ADIPOR2: variants seen among roughly 807,000 people sequenced by gnomAD.
ADIPOR2 encodes the protein adiponectin receptor protein 2.
In ADIPOR2, 18 loss-of-function variants were observed where a neutral mutation model predicts 40.9. That is an observed-to-expected ratio of 0.44 (90% confidence interval 0.30 to 0.65). The LOEUF (loss-of-function observed/expected upper bound fraction) is 0.65, where lower values mean the gene tolerates loss of function less well. ADIPOR2 is among the 30% of genes least tolerant of loss of function. ADIPOR2 has a pLI of 0.09. For missense variants in ADIPOR2, 283 were observed against 479.2 expected (o/e 0.59, Z 3.82); for synonymous variants, 165 against 166.4 (o/e 0.99, Z 0.06).
chr12:1,705,191 T>A (rs2094659555), intron 1 of ADIPOR2, among the ~76,000 whole-genome samples: 1 of 152,194 alleles, frequency 6.6e-6, no homozygotes, highest in African/African-American at 2.4e-5. Flanking sequence ...CTGAACAGAT[T>A]TTATTTTTGA....
At chr12:1,716,217 G>C (rs1427783000) in intron 1 of ADIPOR2, among the ~76,000 whole-genome samples, 1 of 152,226 alleles carries the variant, frequency 6.6e-6, no homozygotes, top group Non-Finnish European at 1.5e-5. Context: ...ATTGCTGAAT[G>C]TGGTGGTCTC....
intron 1 of ADIPOR2, among the ~76,000 whole-genome samples, chr12:1,700,710 G>A (rs960085676): frequency 6.6e-6 from 1 of 151,198 alleles, no homozygotes. Flanking sequence ...TTTCAGGGGT[G>A]AAATCCTCTC....
At chr12:1,698,140 G>A (rs889185813) in intron 1 of ADIPOR2, 7 of 152,334 alleles carry the variant, frequency 4.6e-5, no homozygotes, top group African/African-American at 1.7e-4. Flanking sequence ...GAGCTGTGGC[G>A]TTGTACTTCT....
chr12:1,784,290 C>T (rs1029550952), intron 7 of ADIPOR2, among the ~76,000 whole-genome samples: 8 of 152,310 alleles, frequency 5.3e-5, no homozygotes, highest in East Asian at 3.9e-4. Context: ...GTGCTTTGCA[C>T]GGATTACCTC....
chr12:1,759,621 T>TTA (rs1319350470), intron 2 of ADIPOR2, among the ~76,000 whole-genome samples: 1 of 152,202 alleles, frequency 6.6e-6, no homozygotes, highest in African/African-American at 2.4e-5. Context: ...ATATTGCCCT[T>TTA]TATAGAAAAC....
chr12:1,748,871 C>T (rs1257041711), intron 1 of ADIPOR2, among the ~76,000 whole-genome samples: 1 of 151,854 alleles, frequency 6.6e-6, no homozygotes, highest in Non-Finnish European at 1.5e-5. Context: ...GCCTGAGTGT[C>T]CTCTAATTCA....
At chr12:1,781,976 T>A (rs532293126) in intron 6 of ADIPOR2, among the ~76,000 whole-genome samples, 2 of 152,322 alleles carry the variant, frequency 1.3e-5, no homozygotes, top group East Asian at 3.9e-4. Flanking sequence ...CTTGAGCACA[T>A]GAGATAAGAA....
chr12:1,756,471 T>A (rs1053458008), intron 2 of ADIPOR2, among the ~76,000 whole-genome samples: 5 of 149,836 alleles, frequency 3.3e-5, no homozygotes, highest in African/African-American at 7.4e-5. Context: ...TTTTTTTTTT[T>A]AAAGGACCAA....
chr12:1,764,488 CATT>C (rs1862332177), intron 2 of ADIPOR2, among the ~76,000 whole-genome samples: 2 of 151,670 alleles, frequency 1.3e-5, no homozygotes, highest in African/African-American at 4.8e-5. Flanking sequence ...TCTTCTGTAT[CATT>C]ATTTTTCAAA....
At chr12:1,733,010 A>C (rs1026754431) in intron 1 of ADIPOR2, among the ~76,000 whole-genome samples, 1 of 152,214 alleles carries the variant, frequency 6.6e-6, no homozygotes, top group Non-Finnish European at 1.5e-5. Flanking sequence ...CTTGATATGC[A>C]GTAAAGTTTC....
At chr12:1,783,848 G>A (rs767192108) in intron 6 of ADIPOR2, 32 bp from the exon 7 acceptor site, 3 of 1,511,648 alleles carry the variant, frequency 2.0e-6, no homozygotes, top group African/African-American at 2.8e-5. Context: ...TTTCTCTTCT[G>A]CATTACTTTA....
chr12:1,724,146 T>C (rs1459578787), intron 1 of ADIPOR2, among the ~76,000 whole-genome samples: 1 of 152,100 alleles, frequency 6.6e-6, no homozygotes, highest in African/African-American at 2.4e-5. Flanking sequence ...GACGCCCAGC[T>C]AATTTTTTGT....
intron 1 of ADIPOR2, among the ~76,000 whole-genome samples, chr12:1,739,195 T>C (rs556757076): frequency 6.6e-6 from 1 of 152,332 alleles, no homozygotes; most frequent in East Asian, 1.9e-4. Context: ...TAAAAAATGA[T>C]GAAGGTACTG....
intron 1 of ADIPOR2, among the ~76,000 whole-genome samples, chr12:1,743,361 A>AGCC (rs2094747850): frequency 6.7e-6 from 1 of 149,394 alleles, no homozygotes; most frequent in African/African-American, 2.5e-5. Context: ...TACATCAAGT[A>AGCC]ACTTTGGAGG....
At chr12:1,767,223 A>G (rs1028083378) in intron 2 of ADIPOR2, among the ~76,000 whole-genome samples, 1 of 147,842 alleles carries the variant, frequency 6.8e-6, no homozygotes, top group Admixed American at 6.8e-5. Context: ...GTGAGCCAAG[A>G]TTGCGCCATC....
At chr12:1,731,955 C>G (rs1181323104) in intron 1 of ADIPOR2, among the ~76,000 whole-genome samples, 1 of 150,990 alleles carries the variant, frequency 6.6e-6, no homozygotes, top group African/African-American at 2.4e-5. Context: ...TAGAGTGAGA[C>G]TTGGTCTGAA....
At chr12:1,721,723 A>G (rs1330553279) in intron 1 of ADIPOR2, among the ~76,000 whole-genome samples, 1 of 152,184 alleles carries the variant, frequency 6.6e-6, no homozygotes, top group Non-Finnish European at 1.5e-5. Context: ...TTTACATTGC[A>G]TTGTCAGGGA....
intron 1 of ADIPOR2, among the ~76,000 whole-genome samples, chr12:1,723,542 C>T (rs2094701995): frequency 6.6e-6 from 1 of 150,988 alleles, no homozygotes; most frequent in Admixed American, 6.6e-5. Flanking sequence ...ACTCAGGAGA[C>T]TGTCGGAAGA....
At chr12:1,747,861 C>G (rs1235865623) in intron 1 of ADIPOR2, among the ~76,000 whole-genome samples, 2 of 151,892 alleles carry the variant, frequency 1.3e-5, no homozygotes, top group East Asian at 1.9e-4. Context: ...TTCTCCTTGA[C>G]TTTGACTTTC....
Sources: allele counts gnomAD v4.1 joint callset (sites outside exome capture counted in the v4.1 genomes callset), GRCh38; gene constraint gnomAD v4.1.1; transcripts MANE v1.5; gene names NCBI Gene and HGNC (gene_info 2026-07-23, HGNC 2026-07-21).